The following SACM1L variants were observed in gnomAD, a reference collection of about 807,000 sequenced individuals.
SACM1L encodes the protein SAC1 like phosphatidylinositide phosphatase, also known as phosphatidylinositol-3-phosphatase SAC1.
In SACM1L, 32 loss-of-function variants were observed where a neutral mutation model predicts 89.5. The ratio of observed to expected loss-of-function variants is 0.36; its 90% CI spans 0.27 to 0.48. The LOEUF (loss-of-function observed/expected upper bound fraction) is 0.48, where lower values mean the gene tolerates loss of function less well. Ranked by LOEUF, SACM1L falls within the 20% of genes least tolerant of loss-of-function variation. SACM1L has a pLI of 0.99. For synonymous variants in SACM1L, 213 were observed against 232.8 expected (o/e 0.92, Z 0.77); for missense variants, 543 against 708.5 (o/e 0.77, Z 2.65).
chr3:45,689,895 GC>G (rs1209701381), intron 1 of SACM1L: 1 of 262,198 alleles, frequency 3.8e-6, no homozygotes, highest in Non-Finnish European at 7.3e-6. Flanking sequence ...CGGACCTACA[GC>G]AGCAATTTAG....
intron 14 of SACM1L, chr3:45,737,362 C>A (rs903982815): frequency 1.2e-5 from 7 of 566,852 alleles, no homozygotes; most frequent in Admixed American, 7.1e-5. Context: ...CAAGGGAGTG[C>A]GGGGGCTGCA....
chr3:45,723,466 CCT>C lies in SACM1L; in HGVS notation c.853-4_853-3del. ...ACTCCAGTAAAATATGTAACTTTTT[CCT>C]CTCTAGATGGACGGTTTCCAAAGGC... On this transcript the variant is annotated splice_polypyrimidine_tract_variant and splice_region_variant and intron_variant, in intron 10 of 19. Transcript: ENST00000389061. 6 of 1,359,020 alleles carry C rather than the reference CCT, an allele frequency of 4.4e-6. No individual in the cohort carries two copies. The highest frequency in any genetic ancestry group is 5.8e-6 in the Non-Finnish European group (6 of 1,028,860). 84.2% of individuals were successfully genotyped at this position (1,359,020 alleles called of 1,614,324 possible). A position where few individuals can be genotyped will look rare whatever the true frequency, so the allele number is the denominator to read the frequency against.
intron 6 of SACM1L, 24 bp from the exon 7 acceptor site, chr3:45,714,022 T>C (rs773470861): frequency 7.6e-7 from 1 of 1,313,618 alleles, no homozygotes; most frequent in Non-Finnish European, 1.1e-6. Flanking sequence ...GTATATTTAT[T>C]CTAAATATAT....
chr3:45,718,933 A>G (rs1698727035), intron 7 of SACM1L, among the ~76,000 whole-genome samples: 1 of 152,142 alleles, frequency 6.6e-6, no homozygotes, highest in Admixed American at 6.5e-5. Flanking sequence ...AGTCTTTCAT[A>G]CTGAGGTTCA....
At chr3:45,714,307 GTTGGTTGT>G (rs769552826) in intron 7 of SACM1L, among the ~76,000 whole-genome samples, 15 of 150,938 alleles carry the variant, frequency 9.9e-5, no homozygotes, top group Non-Finnish European at 1.6e-4. Flanking sequence ...GAGTTCTGGG[GTTGGTTGT>G]TTAAAGAAAA....
chr3:45,726,890 T>G (rs1170114206), intron 11 of SACM1L, among the ~76,000 whole-genome samples: 2 of 53,442 alleles, frequency 3.7e-5, no homozygotes, highest in South Asian at 4.4e-4. Flanking sequence ...TTTTTTTTTT[T>G]TTTTTTGAGA....
intron 3 of SACM1L, 112 bp from the exon 4 acceptor site, chr3:45,706,668 G>A (rs1264617810): frequency 3.7e-6 from 3 of 817,436 alleles, no homozygotes; most frequent in South Asian, 2.4e-5. Context: ...TATCTGAGTG[G>A]CACAATATAG....
intron 19 of SACM1L, among the ~76,000 whole-genome samples, chr3:45,740,740 G>A (rs1265299088): frequency 1.3e-5 from 2 of 152,002 alleles, no homozygotes; most frequent in African/African-American, 4.8e-5. Context: ...TTTCAAAAGT[G>A]AGATACGTAT....
At chr3:45,723,021 G>A in intron 10 of SACM1L, 66 bp downstream of exon 10, 1 of 1,224,678 alleles carries the variant, frequency 8.2e-7, no homozygotes, top group Non-Finnish European at 1.2e-6. Flanking sequence ...TAATTTGCAT[G>A]TAAAGAATGT....
At chr3:45,713,626 G>T in intron 6 of SACM1L, 1 of 164,100 alleles carries the variant, frequency 6.1e-6, no homozygotes, top group Non-Finnish European at 1.3e-5. Context: ...GTATAAACAG[G>T]GAGGCCCAGC....
chr3:45,719,759 G>A (rs970947346), intron 8 of SACM1L, among the ~76,000 whole-genome samples, 158 bp downstream of exon 8: 3 of 152,104 alleles, frequency 2.0e-5, no homozygotes, highest in Non-Finnish European at 2.9e-5. Context: ...TAGGTCTTCC[G>A]TGCTTCAGTT....
At chr3:45,691,598 G>GT (rs58820120) in intron 1 of SACM1L, among the ~76,000 whole-genome samples, 3,273 of 150,206 alleles carry the variant, frequency 0.022, 89 homozygotes, top group African/African-American at 0.066. Context: ...TGAAATGCTT[G>GT]TTTTTTTTTT....
intron 11 of SACM1L, among the ~76,000 whole-genome samples, chr3:45,727,844 C>T (rs1698958947): frequency 6.6e-6 from 1 of 152,198 alleles, no homozygotes; most frequent in Non-Finnish European, 1.5e-5. Flanking sequence ...ATCTGCCCGC[C>T]TCGGCCTTCC....
At chr3:45,699,118 G>A (rs182991332) in intron 1 of SACM1L, among the ~76,000 whole-genome samples, 8 of 152,048 alleles carry the variant, frequency 5.3e-5, no homozygotes, top group African/African-American at 1.4e-4. Context: ...TTATGTATAC[G>A]GTTTAAAAGT....
At chr3:45,718,010 A>T (rs2125694744) in intron 7 of SACM1L, among the ~76,000 whole-genome samples, 1 of 152,368 alleles carries the variant, frequency 6.6e-6, no homozygotes, top group South Asian at 2.1e-4. Context: ...AGCAATATGG[A>T]ATTTCCTAAT....
At chr3:45,706,928 C>G (rs1226795205) in intron 4 of SACM1L, 21 bp downstream of exon 4, 1 of 1,611,008 alleles carries the variant, frequency 6.2e-7, no homozygotes, top group African/African-American at 1.3e-5. Flanking sequence ...GAAATTGTTA[C>G]TAATTGCAGC....
chr3:45,695,778 G>A (rs562964628), intron 1 of SACM1L, among the ~76,000 whole-genome samples: 5 of 152,066 alleles, frequency 3.3e-5, no homozygotes, highest in South Asian at 2.1e-4. Flanking sequence ...CACCAGAACC[G>A]TTTTCATCTT....
chr3:45,739,884 A>G (rs888519941), intron 19 of SACM1L: 2 of 566,296 alleles, frequency 3.5e-6, no homozygotes, highest in African/African-American at 1.9e-5. Flanking sequence ...ATTACTGTAA[A>G]CCAATGAGTG....
At chr3:45,694,023 G>T (rs1254909640) in intron 1 of SACM1L, among the ~76,000 whole-genome samples, 1 of 152,156 alleles carries the variant, frequency 6.6e-6, no homozygotes, top group Non-Finnish European at 1.5e-5. Context: ...TTCGGCGTAG[G>T]TGTCACATTT....
Sources: allele counts gnomAD v4.1 joint callset (sites outside exome capture counted in the v4.1 genomes callset), GRCh38; gene constraint gnomAD v4.1.1; transcripts MANE v1.5; gene names NCBI Gene and HGNC (gene_info 2026-07-23, HGNC 2026-07-21).